The following DHRS4 variants were observed in gnomAD, a reference collection of about 807,000 sequenced individuals.
DHRS4 encodes the protein dehydrogenase/reductase 4.
DHRS4 carries 20 observed loss-of-function variants against 28.4 expected under a neutral mutation model. The ratio of observed to expected loss-of-function variants is 0.71; its 90% CI spans 0.50 to 1.02. DHRS4 has a LOEUF of 1.02. DHRS4 is among the 50% of genes least tolerant of loss of function. The probability of loss-of-function intolerance (pLI) is 0.00; values close to 1 mark genes in which losing one functional copy is unlikely to be tolerated. For missense variants in DHRS4, 378 were observed against 367.2 expected (o/e 1.03, Z -0.24); for synonymous variants, 144 against 146.4 (o/e 0.98, Z 0.12).
At chr14:23,953,993 T>C in intron 1 of DHRS4, 77 bp downstream of exon 1, 1 of 1,534,116 alleles carries the variant, frequency 6.5e-7, no homozygotes, top group Non-Finnish European at 8.8e-7. Context: ...CGGCCTCCGG[T>C]GCCCCTGTCC....
intron 7 of DHRS4, 29 bp from the exon 8 acceptor site, chr14:23,968,728 C>T (rs1456454839): frequency 2.5e-6 from 4 of 1,603,896 alleles, no homozygotes; most frequent in African/African-American, 1.3e-5. Flanking sequence ...TTGATTTTTA[C>T]CTCCTTCCTT....
At chr14:23,955,717 G>A (rs566330238) in intron 2 of DHRS4, among the ~76,000 whole-genome samples, 1 of 152,238 alleles carries the variant, frequency 6.6e-6, no homozygotes, top group South Asian at 2.1e-4. Flanking sequence ...TCAGATAGCT[G>A]GAGCAACTTC....
At chr14:23,960,069 T>C in intron 3 of DHRS4, 66 bp downstream of exon 3, 1 of 1,486,734 alleles carries the variant, frequency 6.7e-7, no homozygotes, top group Non-Finnish European at 9.4e-7. Context: ...ACAAACTCCA[T>C]CTGCTTTTAG....
Position 23,955,223 on chromosome 14 carries a change from G to A in DHRS4, c.306+11G>A, listed in dbSNP as rs1474901760. The A allele has an allele frequency of 1.2e-6, 2 of 1,610,742 alleles. No individual in the cohort carries two copies. The highest frequency in any genetic ancestry group is 1.7e-5 in the Admixed American group (1 of 59,586). On this transcript the variant is annotated intron_variant, in intron 2 of 7. Transcript: ENST00000313250. Reference sequence around the variant, plus strand: ...CGGCTGGTGGCCACGGTGAGCTGCAGGGAAATGGGCACAGAGCCAGGAGGT... The same window carrying A: ...CGGCTGGTGGCCACGGTGAGCTGCAAGGAAATGGGCACAGAGCCAGGAGGT...
intron 2 of DHRS4, among the ~76,000 whole-genome samples, chr14:23,956,226 T>C (rs900711780): frequency 6.6e-5 from 10 of 152,168 alleles, no homozygotes; most frequent in African/African-American, 1.7e-4. Flanking sequence ...GACCCCAAGA[T>C]TGGGGCCTTG....
intron 1 of DHRS4, 28 bp downstream of exon 1, chr14:23,953,944 G>A: frequency 3.2e-6 from 5 of 1,559,136 alleles, no homozygotes; most frequent in Non-Finnish European, 4.3e-6. Context: ...AGTTTCTGAG[G>A]CCCTGGCTGC....
intron 2 of DHRS4, among the ~76,000 whole-genome samples, chr14:23,958,034 G>A (rs1326788559): frequency 3.9e-5 from 6 of 152,034 alleles, no homozygotes; most frequent in South Asian, 4.2e-4. Context: ...TGAGCACGGC[G>A]CACATCACTT....
At chr14:23,967,023 C>G in intron 6 of DHRS4, among the ~76,000 whole-genome samples, 188 bp from the exon 7 acceptor site, 1 of 152,020 alleles carries the variant, frequency 6.6e-6, no homozygotes, top group African/African-American at 2.4e-5. Flanking sequence ...GGCGCAGTGG[C>G]GAGCGCCTGT....
chr14:23,956,782 T>C lies in DHRS4; in HGVS notation c.306+1570T>C, dbSNP rs1027306674. Among the ~76,000 whole-genome samples, 66 of 152,144 alleles carry C rather than the reference T, an allele frequency of 4.3e-4. 1 individual carries two copies. Among genetic ancestry groups the C allele is most frequent in the African/African-American group, 1.6e-3 (65 of 41,466 alleles). On this transcript the variant is annotated intron_variant, in intron 2 of 7. Transcript: ENST00000313250. ...CCACGTCCAGCTAATTTTTGTATTT[T>C]TGGTAGAGACAGGGTTTCACCATGT...
chr14:23,957,522 A>G (rs908633424), intron 2 of DHRS4, among the ~76,000 whole-genome samples: 4 of 151,502 alleles, frequency 2.6e-5, no homozygotes, highest in African/African-American at 9.7e-5. Context: ...TGGTGTAGTG[A>G]TCACACAATT....
intron 3 of DHRS4, among the ~76,000 whole-genome samples, chr14:23,962,502 C>A (rs548478709): frequency 9.7e-4 from 147 of 151,836 alleles, no homozygotes; most frequent in African/African-American, 2.9e-3. Context: ...AAACCACTTT[C>A]TTTGCTTATC....
chr14:23,968,677 A>G lies in DHRS4; in HGVS notation c.723-80A>G, dbSNP rs115979543. 1.4e-4 allele frequency: 214 copies of G among 1,564,082 alleles called. 1 individual carries two copies. The African/African-American group carries it at 2.6e-3, about 19-fold the overall frequency. On this transcript the variant is annotated intron_variant, in intron 7 of 7. Coordinates refer to ENST00000313250, the MANE Select transcript of DHRS4 (RefSeq NM_021004.4). Reference sequence around the variant, plus strand: ...CCATCTGATAATTCTTGATTAAGCAAATTTAACTCCCTGTGTCCCAGGTGA... The same window carrying G: ...CCATCTGATAATTCTTGATTAAGCAGATTTAACTCCCTGTGTCCCAGGTGA...
At chr14:23,957,537 A>G (rs551964888) in intron 2 of DHRS4, among the ~76,000 whole-genome samples, 1 of 150,474 alleles carries the variant, frequency 6.6e-6, no homozygotes, top group Non-Finnish European at 1.5e-5. Flanking sequence ...ACAATTTAGA[A>G]TAAGACTTAG....
At chr14:23,958,074 A>T (rs184841356) in intron 2 of DHRS4, among the ~76,000 whole-genome samples, 2 of 152,122 alleles carry the variant, frequency 1.3e-5, no homozygotes, top group East Asian at 3.9e-4. Flanking sequence ...CCCTAGTAAC[A>T]AGTCCATTGG....
intron 1 of DHRS4, 43 bp from the exon 2 acceptor site, chr14:23,954,992 C>G (rs748798625): frequency 4.3e-6 from 7 of 1,609,858 alleles, no homozygotes; most frequent in South Asian, 1.1e-5. Context: ...CGACCTCTTC[C>G]CCTGCACAGG....
chr14:23,962,858 A>G (rs2033473573), intron 3 of DHRS4, among the ~76,000 whole-genome samples: 2 of 149,224 alleles, frequency 1.3e-5, no homozygotes, highest in East Asian at 3.9e-4. Context: ...TATTTCTTAA[A>G]TAATAAGTCT....
chr14:23,964,220 TAAAAAAAAAAAAAAAAAAAAAAAA>T (rs71119059), intron 3 of DHRS4, among the ~76,000 whole-genome samples: 3 of 34,502 alleles, frequency 8.7e-5, no homozygotes, highest in Non-Finnish European at 1.2e-4. Context: ...CTGCAATTTG[TAAAAAAAAAAAAAAAAAAAAAAAA>T]AAAAAAAAAA....
rs1384806404 is a variant in DHRS4 at position 23,953,808 on chromosome 14, T to G, written c.20T>G (p.Leu7Arg). 2 of 1,613,998 alleles carry G rather than the reference T, an allele frequency of 1.2e-6. No individual in the cohort carries two copies. The highest frequency in any genetic ancestry group is 1.3e-5 in the African/African-American group (1 of 74,944). ...TGATCCATGCACAAGGCGGGGCTGC[T>G]AGGCCTCTGTGCCCGGGCTTGGAAT... MHKAGL[L>R]GLCARAWNSV... Residue 7 changes from leucine to arginine, a missense_variant, in exon 1 of 8, where the codon CTA (leucine) becomes CGA (arginine). Transcript: ENST00000313250.
rs1412356682 is a variant in DHRS4, at chr14:23,955,718, G to C, written c.306+506G>C. On this transcript the variant is annotated intron_variant, in intron 2 of 7. Transcript: ENST00000313250. Reference sequence around the variant, plus strand: ...CTGCAGACCCTGGCTCAGATAGCTGGAGCAACTTCCCAAGGTCCCACAGCC... The same window carrying C: ...CTGCAGACCCTGGCTCAGATAGCTGCAGCAACTTCCCAAGGTCCCACAGCC... Among the ~76,000 whole-genome samples, 3 of 152,276 alleles carry C rather than the reference G, an allele frequency of 2.0e-5. No individual in the cohort carries two copies. The East Asian group carries it at 5.8e-4, about 29-fold the overall frequency.
Sources: allele counts gnomAD v4.1 joint callset (sites outside exome capture counted in the v4.1 genomes callset), GRCh38; gene constraint gnomAD v4.1.1; transcripts MANE v1.5; gene names NCBI Gene and HGNC (gene_info 2026-07-23, HGNC 2026-07-21).